NCAM2: variants seen among roughly 807,000 people sequenced by gnomAD.
NCAM2 encodes N-CAM-2.
Under a neutral mutation model 98.1 loss-of-function variants are expected in NCAM2, and 30 were observed. The ratio of observed to expected loss-of-function variants is 0.31; its 90% CI spans 0.23 to 0.41. The LOEUF (loss-of-function observed/expected upper bound fraction) is 0.41, where lower values mean the gene tolerates loss of function less well. Among genes scored for constraint, NCAM2 ranks in the 10% least tolerant of loss-of-function variants. The pLI is 1.00. For synonymous variants in NCAM2, 368 were observed against 342.4 expected, an observed-to-expected ratio of 1.07 and a Z score of -0.83; for missense variants, 867 against 1,005.8, an observed-to-expected ratio of 0.86 and a Z score of 1.87.
intron 10 of NCAM2, among the ~76,000 whole-genome samples, chr21:21,413,517 T>C (rs930182200): frequency 6.6e-6 from 1 of 152,186 alleles, no homozygotes; most frequent in African/African-American, 2.4e-5. Flanking sequence ...CTTGGAGATA[T>C]TGCAGGTTTA....
chr21:21,135,306 G>T (rs1209168100), intron 1 of NCAM2, among the ~76,000 whole-genome samples: 1 of 149,978 alleles, frequency 6.7e-6, no homozygotes, highest in East Asian at 2.0e-4. Context: ...CTCCCAAAAT[G>T]CTGGGACTAC....
intron 1 of NCAM2, among the ~76,000 whole-genome samples, chr21:21,231,020 G>A (rs1450193050): frequency 6.6e-6 from 1 of 151,278 alleles, no homozygotes; most frequent in Non-Finnish European, 1.5e-5. Flanking sequence ...TGCTGGATGT[G>A]AAATTTTGAA....
chr21:21,499,776 T>G (rs1366740110), intron 15 of NCAM2, among the ~76,000 whole-genome samples: 1 of 152,106 alleles, frequency 6.6e-6, no homozygotes, highest in East Asian at 1.9e-4. Flanking sequence ...AAAAGAGCAT[T>G]TTCATTAAGA....
chr21:21,076,347 C>G (rs1258706447), intron 1 of NCAM2, among the ~76,000 whole-genome samples: 1 of 152,114 alleles, frequency 6.6e-6, no homozygotes, highest in Non-Finnish European at 1.5e-5. Flanking sequence ...CTGTTGTGAT[C>G]TCTTTGAATG....
intron 10 of NCAM2, among the ~76,000 whole-genome samples, chr21:21,412,227 C>T (rs895294747): frequency 2.6e-5 from 4 of 152,146 alleles, no homozygotes; most frequent in African/African-American, 9.7e-5. Context: ...CCTCACATGC[C>T]CTTTCCTCTG....
At chr21:21,133,425 A>G (rs1283786404) in intron 1 of NCAM2, among the ~76,000 whole-genome samples, 1 of 152,172 alleles carries the variant, frequency 6.6e-6, no homozygotes, top group Non-Finnish European at 1.5e-5. Flanking sequence ...TTCTGCCACA[A>G]ACTGACACAG....
At chr21:21,116,820 A>C (rs1176983732) in intron 1 of NCAM2, among the ~76,000 whole-genome samples, 1 of 151,756 alleles carries the variant, frequency 6.6e-6, no homozygotes, top group Admixed American at 6.6e-5. Flanking sequence ...GTGCCACTGC[A>C]CTCCAGCCTG....
chr21:21,476,411 A>C (rs761849421), intron 14 of NCAM2, among the ~76,000 whole-genome samples: 36 of 152,068 alleles, frequency 2.4e-4, no homozygotes, highest in Non-Finnish European at 5.9e-5. Flanking sequence ...CTTTTCCAAA[A>C]ACCTGACAGA....
chr21:21,262,912 G>A (rs2071975009), intron 1 of NCAM2, among the ~76,000 whole-genome samples: 1 of 152,018 alleles, frequency 6.6e-6, no homozygotes. Context: ...AAAATCATCA[G>A]CTCTCATGAA....
chr21:21,090,092 G>A (rs1333648913), intron 1 of NCAM2, among the ~76,000 whole-genome samples: 1 of 152,068 alleles, frequency 6.6e-6, no homozygotes, highest in Non-Finnish European at 1.5e-5. Context: ...GGCAGCAACT[G>A]GACATTGATG....
At chr21:21,384,454 A>T (rs1474557908) in intron 9 of NCAM2, among the ~76,000 whole-genome samples, 1 of 151,816 alleles carries the variant, frequency 6.6e-6, no homozygotes, top group Non-Finnish European at 1.5e-5. Flanking sequence ...ATTTCTTTAC[A>T]TACATTCCTG....
chr21:21,540,125 T>C lies in NCAM2; in HGVS notation c.*2168T>C, dbSNP rs757471347. ...TCATTTCGCATGTTTACTATTGTTA[T>C]ATTCGTGCTTTACTTCAAGAGTGCA... On this transcript the variant is annotated 3_prime_UTR_variant, in exon 18 of 18. Transcript: ENST00000400546. 4 of 152,132 alleles carry C rather than the reference T, an allele frequency of 2.6e-5. No homozygotes were observed. Among genetic ancestry groups the C allele is most frequent in the Non-Finnish European group, 4.4e-5 (3 of 68,012 alleles). 9.4% of individuals were successfully genotyped at this position (152,132 alleles called of 1,614,324 possible).
intron 1 of NCAM2, among the ~76,000 whole-genome samples, chr21:21,011,878 A>G (rs2064218374): frequency 1.3e-5 from 2 of 152,026 alleles, no homozygotes; most frequent in Non-Finnish European, 2.9e-5. Context: ...AAGGCATACA[A>G]AAAAATGCTC....
chr21:21,324,234 A>AT, intron 5 of NCAM2, 149 bp from the exon 6 acceptor site: 1 of 568,026 alleles, frequency 1.8e-6, no homozygotes, highest in East Asian at 2.8e-5. Context: ...TGATAAAGTT[A>AT]TTTTACTGTG....
intron 1 of NCAM2, among the ~76,000 whole-genome samples, chr21:21,096,898 A>G (rs1009946639): frequency 6.6e-6 from 1 of 151,640 alleles, no homozygotes; most frequent in Non-Finnish European, 1.5e-5. Context: ...ATTTATGCCA[A>G]TGTCAGCCTT....
chr21:21,125,412 T>TTTACATATATATATAATATATAATATA (rs71193402), intron 1 of NCAM2, among the ~76,000 whole-genome samples: 1 of 84,912 alleles, frequency 1.2e-5, no homozygotes, highest in Non-Finnish European at 2.3e-5. Context: ...TATATAATAT[T>TTTACATATATATATAATATATAATATA]TTACATATAT....
At chr21:21,304,651 AAC>A (rs1166856334) in intron 5 of NCAM2, among the ~76,000 whole-genome samples, 1 of 152,130 alleles carries the variant, frequency 6.6e-6, no homozygotes, top group African/African-American at 2.4e-5. Flanking sequence ...CATATGCACT[AAC>A]ACACACATAC....
At chr21:21,004,814 G>C (rs139739747) in intron 1 of NCAM2, among the ~76,000 whole-genome samples, 1 of 152,216 alleles carries the variant, frequency 6.6e-6, no homozygotes, top group African/African-American at 2.4e-5. Flanking sequence ...GATACAGGGA[G>C]TTTAAATAAC....
At chr21:21,389,937 C>A (rs1207110885) in intron 9 of NCAM2, among the ~76,000 whole-genome samples, 2 of 152,182 alleles carry the variant, frequency 1.3e-5, no homozygotes, top group Non-Finnish European at 2.9e-5. Context: ...GCAACCTCCA[C>A]CTCTCCGGTT....
Sources: gnomAD v4.1 joint callset for allele counts (sites outside exome capture counted in the v4.1 genomes callset) on GRCh38, gnomAD v4.1.1 for gene constraint, MANE v1.5 for transcripts, NCBI Gene and HGNC (gene_info 2026-07-23, HGNC 2026-07-21) for gene names.